ISCU: variants seen among roughly 807,000 people sequenced by gnomAD.
ISCU encodes the protein iron-sulfur cluster assembly enzyme, also known as iron-sulfur cluster assembly enzyme ISCU.
In ISCU, 13 loss-of-function variants were observed where a neutral mutation model predicts 18.4. The observed-to-expected ratio is 0.71, with a 90% CI of 0.46 to 1.12. The LOEUF is 1.12. ISCU is among the 50% of genes most tolerant of loss of function. The probability of loss-of-function intolerance (pLI) is 0.00; values close to 1 mark genes in which losing one functional copy is unlikely to be tolerated. For synonymous variants in ISCU, 104 were observed against 87.5 expected (o/e 1.19, Z -1.06); for missense variants, 229 against 208.7 (o/e 1.10, Z -0.60).
chr12:108,564,168 A>G, intron 1 of ISCU, 111 bp from the exon 2 acceptor site: 1 of 1,598,946 alleles, frequency 6.3e-7, no homozygotes, highest in Non-Finnish European at 8.6e-7. Context: ...GAAATTTGGT[A>G]TTTAGTGATT....
chr12:108,562,605 CA>C lies in ISCU; in HGVS notation c.-17del, dbSNP rs1225569122. The C allele has an allele frequency of 2.1e-5, 29 of 1,409,374 alleles. No homozygotes were observed. The highest frequency in any genetic ancestry group is 2.5e-5 in the Admixed American group (1 of 39,366). 87.3% of individuals were successfully genotyped at this position (1,409,374 alleles called of 1,614,324 possible). On this transcript the variant is annotated 5_prime_UTR_variant, in exon 1 of 5. Transcript: ENST00000311893. Reference sequence around the variant, plus strand: ...CCCTCGGCGTCGCTCTGGACTGGCGCAGGCGCAAGCCGGCAAGATGGCGGCG... The same window carrying C: ...CCCTCGGCGTCGCTCTGGACTGGCGCGGCGCAAGCCGGCAAGATGGCGGCG...
intron 2 of ISCU, 143 bp from the exon 3 acceptor site, chr12:108,565,178 A>G (rs913762707): frequency 1.5e-6 from 1 of 687,136 alleles, no homozygotes; most frequent in Non-Finnish European, 2.7e-6. Context: ...CTTTGAAACA[A>G]GGCAAAGTCA....
chr12:108,563,626 C>T (rs2030738973), intron 1 of ISCU: 1 of 243,224 alleles, frequency 4.1e-6, no homozygotes, highest in Non-Finnish European at 8.2e-6. Context: ...GATCTGGCTT[C>T]TGCCCTTTCT....
intron 1 of ISCU, chr12:108,563,738 G>C (rs2030747883): frequency 8.6e-6 from 3 of 348,404 alleles, no homozygotes; most frequent in Middle Eastern, 9.6e-4. Context: ...AGGGTGCGCT[G>C]CTGCACCAGG....
In ISCU at chr12:108,569,035, T is replaced by C; in HGVS notation, c.*119T>C. 1.2e-6 allele frequency: 1 copy of C among 801,034 alleles called. No homozygotes were observed. Among genetic ancestry groups the C allele is most frequent in the Non-Finnish European group, 2.1e-6 (1 of 473,194 alleles). 49.6% of individuals were successfully genotyped at this position (801,034 alleles called of 1,614,324 possible). A position where few individuals can be genotyped will look rare whatever the true frequency, so the allele number is the denominator to read the frequency against. ...CTGAAGAGCTATGAGATACGCACAA[T>C]ACTTGCTGTTCACGTTATGACTCTC... is the stretch of plus-strand genomic sequence containing the variant. On this transcript the variant is annotated 3_prime_UTR_variant, in exon 5 of 5. Coordinates refer to ENST00000311893, the MANE Select transcript of ISCU (RefSeq NM_213595.4).
intron 4 of ISCU, chr12:108,567,931 A>G: frequency 2.1e-6 from 3 of 1,410,962 alleles, no homozygotes; most frequent in Non-Finnish European, 2.9e-6. Flanking sequence ...GAAAGAAGGA[A>G]TGAGAAACAT....
At chr12:108,568,583 G>C (rs2136722048) in intron 4 of ISCU, 1 of 1,377,122 alleles carries the variant, frequency 7.3e-7, no homozygotes, top group Non-Finnish European at 9.4e-7. Flanking sequence ...TAGGGTCAAA[G>C]AGGCTAAGGA....
rs142514490 is a variant in ISCU, at chr12:108,562,674, C to T, written c.52C>T (p.Leu18=). ...GAGGCGGGCGGCATCGGCTCTGCTG[C>T]TGCGGAGCCCCCGCCTGCCCGCCCG... ...RLRRAASALL[L]RSPRLPAREL... is the part of the protein sequence containing the mutation. The change falls in exon 1 of 5, where the codon CTG becomes TTG. Residue 18 remains leucine (L), a synonymous_variant. Transcript: ENST00000311893. 4 of 1,454,114 alleles carry T rather than the reference C, an allele frequency of 2.8e-6. 1 individual carries two copies. The highest frequency in any genetic ancestry group is 2.8e-5 in the South Asian group (2 of 71,522). The allele number at this position is 1,454,114 out of a possible 1,614,324, so 90.1% of individuals were successfully genotyped here. A position where few individuals can be genotyped will look rare whatever the true frequency, so the allele number is the denominator to read the frequency against.
chr12:108,565,333 G>T lies in ISCU; in HGVS notation c.241G>T (p.Glu81Ter). The T allele has an allele frequency of 6.2e-7, 1 of 1,613,880 alleles. No individual in the cohort carries two copies. Among genetic ancestry groups the T allele is most frequent in the Non-Finnish European group, 8.5e-7 (1 of 1,179,718 alleles). The change falls in exon 3 of 5, where the codon GAA (glutamate) becomes TAA (stop). Residue 81 changes from glutamate to a stop codon, truncating the protein, a stop_gained. Coordinates refer to ENST00000311893, the MANE Select transcript of ISCU (RefSeq NM_213595.4). LOFTEE classifies it high-confidence loss of function. ...DVMKLQIQVDEKGKIVDARFK... is the reference protein window; with the variant it reads ...DVMKLQIQVD Reference sequence around the variant, plus strand: ...GTCTCTTTTCTAGATTCAAGTGGATGAAAAGGGGAAGATTGTGGATGCTAG... The same window carrying T: ...GTCTCTTTTCTAGATTCAAGTGGATTAAAAGGGGAAGATTGTGGATGCTAG...
At chr12:108,565,904 A>G (rs2030875570) in intron 3 of ISCU, among the ~76,000 whole-genome samples, 1 of 152,276 alleles carries the variant, frequency 6.6e-6, no homozygotes, top group Admixed American at 6.5e-5. Flanking sequence ...CAACGAAATC[A>G]GAACAGTGAT....
At chr12:108,568,128 A>G (rs2030987702) in intron 4 of ISCU, 11 of 1,367,232 alleles carry the variant, frequency 8.0e-6, no homozygotes, top group Non-Finnish European at 1.0e-5. Context: ...TTAAGTACCC[A>G]TAAAGAAAGG....
intron 1 of ISCU, chr12:108,563,855 C>T: frequency 3.4e-6 from 2 of 579,924 alleles, no homozygotes; most frequent in Middle Eastern, 4.7e-4. Context: ...CACCTTAAGG[C>T]TTCTAAGAAA....
chr12:108,568,856 C>T lies in ISCU; in HGVS notation c.444C>T (p.Ala148=), dbSNP rs764661906. ...TGCTGGCTGAAGATGCAATCAAGGCCGCCCTGGCTGATTACAAATTGAAAC... is the reference window on the plus strand; with the variant it reads ...TGCTGGCTGAAGATGCAATCAAGGCTGCCCTGGCTGATTACAAATTGAAAC... ...CSMLAEDAIK[A]ALADYKLKQE... is the part of the protein sequence containing the mutation. The change falls in exon 5 of 5, where the codon GCC becomes GCT. Residue 148 remains alanine (A), a synonymous_variant. Transcript: ENST00000311893. The T allele has an allele frequency of 2.4e-5, 38 of 1,613,412 alleles. No individual in the cohort carries two copies. Among genetic ancestry groups the T allele is most frequent in the East Asian group, 1.8e-4 (8 of 44,898 alleles).
At chr12:108,562,935 G>A (rs1052502844) in intron 1 of ISCU, 199 bp downstream of exon 1, 1 of 394,124 alleles carries the variant, frequency 2.5e-6, no homozygotes, top group Non-Finnish European at 4.5e-6. Context: ...GCGACTTCCA[G>A]GGGGCCCCGC....
At chr12:108,563,437 T>A (rs1187244366) in intron 1 of ISCU, 3 of 153,324 alleles carry the variant, frequency 2.0e-5, no homozygotes, top group Non-Finnish European at 2.9e-5. Context: ...TAAATCAACG[T>A]GGCACAAAAG....
Position 108,568,960 on chromosome 12 carries a change from C to T in ISCU, c.*44C>T, listed in dbSNP as rs1202496049. ...CTCCAGCAGGCCACACCAGCTGTTT[C>T]CCACCTGCTGTGCAGTCACCTTAGA... On this transcript the variant is annotated 3_prime_UTR_variant, in exon 5 of 5. Coordinates refer to ENST00000311893, the MANE Select transcript of ISCU (RefSeq NM_213595.4). 3 of 1,529,704 alleles carry T rather than the reference C, an allele frequency of 2.0e-6. No homozygotes were observed. In the East Asian group the frequency reaches 6.8e-5, roughly 35 times the overall value. 94.8% of individuals were successfully genotyped at this position (1,529,704 alleles called of 1,614,324 possible).
intron 1 of ISCU, 178 bp downstream of exon 1, chr12:108,562,914 C>T (rs2030682833): frequency 4.9e-6 from 2 of 404,506 alleles, no homozygotes; most frequent in African/African-American, 2.1e-5. Context: ...ACAGTTACCG[C>T]TCATCGGGCG....
In ISCU at chr12:108,568,986, T is replaced by C; in HGVS notation, c.*70T>C. 1 of 1,332,336 alleles carries C rather than the reference T, an allele frequency of 7.5e-7. No individual in the cohort carries two copies. 82.5% of individuals were successfully genotyped at this position (1,332,336 alleles called of 1,614,324 possible). A position where few individuals can be genotyped will look rare whatever the true frequency, so the allele number is the denominator to read the frequency against. On this transcript the variant is annotated 3_prime_UTR_variant, in exon 5 of 5. Coordinates refer to ENST00000311893, the MANE Select transcript of ISCU (RefSeq NM_213595.4). ...CCACCTGCTGTGCAGTCACCTTAGATGTTCAGAAGCCGCTTCCTCTCCACT... is the reference window on the plus strand; with the variant it reads ...CCACCTGCTGTGCAGTCACCTTAGACGTTCAGAAGCCGCTTCCTCTCCACT...
upstream of ISCU, among the ~76,000 whole-genome samples, chr12:108,562,207 G>A (rs147802911): frequency 7.9e-5 from 12 of 152,334 alleles, no homozygotes; most frequent in East Asian, 1.9e-3. Flanking sequence ...TTGAACATAA[G>A]TCCTTAGCGA....
Sources: gnomAD v4.1 joint callset for allele counts (sites outside exome capture counted in the v4.1 genomes callset) on GRCh38, gnomAD v4.1.1 for gene constraint, MANE v1.5 for transcripts, NCBI Gene and HGNC (gene_info 2026-07-23, HGNC 2026-07-21) for gene names.